Variants in DIAPH2 observed in about 807,000 individuals in gnomAD.
DIAPH2 encodes protein diaphanous homolog 2.
In DIAPH2, 35 loss-of-function variants were observed where a neutral mutation model predicts 92.7. That is an observed-to-expected ratio of 0.38 (90% CI 0.29 to 0.50). The LOEUF (loss-of-function observed/expected upper bound fraction) is 0.50, where lower values mean the gene tolerates loss of function less well. Among genes scored for constraint, DIAPH2 ranks in the 20% least tolerant of loss-of-function variants. The pLI, the probability that DIAPH2 is intolerant of heterozygous loss-of-function variation, is 0.94. For missense variants in DIAPH2, 701 were observed against 819.5 expected (o/e 0.86, Z 1.77); for synonymous variants, 301 against 280.4 (o/e 1.07, Z -0.73).
At chrX:97,132,341 A>G (rs752897539) in intron 21 of DIAPH2, among the ~76,000 whole-genome samples, 27 of 111,883 alleles carry the variant, frequency 2.4e-4, no homozygotes, top group Non-Finnish European at 4.7e-4. Context: ...AGCCCTAGTC[A>G]TGTAGTGCCC....
intron 24 of DIAPH2, among the ~76,000 whole-genome samples, chrX:97,368,322 C>CT (rs758205211): frequency 9.0e-6 from 1 of 111,583 alleles, no homozygotes; most frequent in Non-Finnish European, 1.9e-5. Context: ...CTTCCCTGAG[C>CT]TTAATTATCC....
At chrX:97,280,859 C>T (rs989489137) in intron 23 of DIAPH2, among the ~76,000 whole-genome samples, 5 of 111,500 alleles carry the variant, frequency 4.5e-5, no homozygotes, top group Non-Finnish European at 9.4e-5. Context: ...TGCATTTCCC[C>T]GGGTCCCTGA....
At chrX:96,981,292 A>T (rs1336334512) in intron 17 of DIAPH2, among the ~76,000 whole-genome samples, 3 of 111,952 alleles carry the variant, frequency 2.7e-5, no homozygotes, top group Non-Finnish European at 5.6e-5. Context: ...AAGTTTTAAA[A>T]TGTATGGTTG....
At chrX:97,436,095 G>A (rs1388297285) in intron 26 of DIAPH2, among the ~76,000 whole-genome samples, 1 of 111,543 alleles carries the variant, frequency 9.0e-6, no homozygotes, top group Admixed American at 9.5e-5. Context: ...GTGAGCCACC[G>A]TGCCCAGCCA....
At chrX:97,575,781 A>T (rs1166903333) in intron 26 of DIAPH2, among the ~76,000 whole-genome samples, 1 of 111,924 alleles carries the variant, frequency 8.9e-6, no homozygotes, top group East Asian at 2.8e-4. Flanking sequence ...TAGTTAGAGC[A>T]GTTAAGTTTG....
At chrX:97,060,199 C>G (rs2066587609) in intron 17 of DIAPH2, among the ~76,000 whole-genome samples, 1 of 112,435 alleles carries the variant, frequency 8.9e-6, no homozygotes, top group Non-Finnish European at 1.9e-5. Flanking sequence ...AATGATCCCC[C>G]ACAGTGATAG....
intron 4 of DIAPH2, among the ~76,000 whole-genome samples, chrX:96,874,399 A>G (rs905918341): frequency 1.8e-5 from 2 of 111,994 alleles, no homozygotes; most frequent in Non-Finnish European, 3.8e-5. Context: ...AGTTTTAATG[A>G]TTTACTTGCT....
At chrX:97,352,055 A>T (rs1482549365) in intron 24 of DIAPH2, among the ~76,000 whole-genome samples, 2 of 110,729 alleles carry the variant, frequency 1.8e-5, no homozygotes, top group East Asian at 5.6e-4. Context: ...AGAAGTTCCC[A>T]TTTTCTTAGT....
At chrX:97,395,234 A>C (rs1360338344) in intron 25 of DIAPH2, among the ~76,000 whole-genome samples, 4 of 111,686 alleles carry the variant, frequency 3.6e-5, no homozygotes, top group Non-Finnish European at 1.9e-5. Flanking sequence ...ATCTGACTTT[A>C]TAATTATATA....
At chrX:97,556,188 C>T (rs924363386) in intron 26 of DIAPH2, among the ~76,000 whole-genome samples, 3 of 111,662 alleles carry the variant, frequency 2.7e-5, no homozygotes, top group Non-Finnish European at 5.6e-5. Flanking sequence ...ATTAAACATG[C>T]AGGGAGGTTA....
intron 26 of DIAPH2, among the ~76,000 whole-genome samples, chrX:97,453,030 A>G (rs1044230206): frequency 8.9e-6 from 1 of 111,929 alleles, no homozygotes; most frequent in Non-Finnish European, 1.9e-5. Context: ...ATAAAGACAA[A>G]GGAAAATGCA....
At chrX:97,045,451 T>G (rs1403820023) in intron 17 of DIAPH2, among the ~76,000 whole-genome samples, 2 of 111,783 alleles carry the variant, frequency 1.8e-5, no homozygotes, top group African/African-American at 6.5e-5. Context: ...ATCGATGGTA[T>G]TCACATAATA....
intron 26 of DIAPH2, among the ~76,000 whole-genome samples, chrX:97,435,080 G>T (rs774704492): frequency 1.6e-4 from 18 of 111,303 alleles, no homozygotes; most frequent in Non-Finnish European, 2.6e-4. Context: ...GGGAGGAGAG[G>T]TGAACATTTT....
chrX:97,158,491 A>G (rs1044372823), intron 22 of DIAPH2, among the ~76,000 whole-genome samples: 1 of 112,117 alleles, frequency 8.9e-6, no homozygotes, highest in African/African-American at 3.2e-5. Flanking sequence ...GTGTATGACT[A>G]AGAGTGGATG....
chrX:96,803,988 G>C (rs911723856), intron 4 of DIAPH2, among the ~76,000 whole-genome samples: 1 of 111,675 alleles, frequency 9.0e-6, no homozygotes. Flanking sequence ...GCAGTGAACC[G>C]AGATTGCGCC....
intron 17 of DIAPH2, among the ~76,000 whole-genome samples, chrX:97,071,250 A>G (rs2066667406): frequency 8.9e-6 from 1 of 112,088 alleles, no homozygotes; most frequent in Non-Finnish European, 1.9e-5. Flanking sequence ...TAAAATGTTG[A>G]TTATTGCATA....
At chrX:96,755,391 C>T (rs1318664794) in intron 3 of DIAPH2, among the ~76,000 whole-genome samples, 5 of 111,534 alleles carry the variant, frequency 4.5e-5, no homozygotes, top group Non-Finnish European at 7.5e-5. Context: ...TGGTGGCTCA[C>T]GCCTGTAATC....
At chrX:97,211,517 T>C (rs1035852863) in intron 22 of DIAPH2, among the ~76,000 whole-genome samples, 1 of 111,502 alleles carries the variant, frequency 9.0e-6, no homozygotes, top group African/African-American at 3.3e-5. Flanking sequence ...AAAAAGGAAT[T>C]TAGACATTGG....
At chrX:96,869,581 T>C (rs1463353646) in intron 4 of DIAPH2, among the ~76,000 whole-genome samples, 1 of 108,675 alleles carries the variant, frequency 9.2e-6, no homozygotes, top group Non-Finnish European at 1.9e-5. Context: ...CTACTACTAC[T>C]ACTACTACTA....
Sources: gnomAD v4.1 joint callset for allele counts (sites outside exome capture counted in the v4.1 genomes callset) on GRCh38, gnomAD v4.1.1 for gene constraint, MANE v1.5 for transcripts, NCBI Gene and HGNC (gene_info 2026-07-23, HGNC 2026-07-21) for gene names.